The following OR6Y1 variants were observed in gnomAD, a reference collection of about 807,000 sequenced individuals.
OR6Y1 encodes olfactory receptor 6Y1.
A neutral mutation model predicts 0.4 loss-of-function variants in OR6Y1; 1 was observed. The ratio of observed to expected loss-of-function variants is 2.74; its 90% CI spans 0.97 to 13.02. OR6Y1 has a LOEUF of 13.02. Among genes scored for constraint, OR6Y1 ranks in the 30% most tolerant of loss-of-function variants. The pLI is 0.12. For missense variants in OR6Y1, 480 were observed against 399.8 expected, an observed-to-expected ratio of 1.20 and a Z score of -1.71; for synonymous variants, 173 against 141.1, an observed-to-expected ratio of 1.23 and a Z score of -1.60.
At chr1:158,549,960 T>C (rs1647659035) in intron 1 of OR6Y1, among the ~76,000 whole-genome samples, 1 of 151,862 alleles carries the variant, frequency 6.6e-6, no homozygotes, top group Admixed American at 6.6e-5. Flanking sequence ...ATGAACATGT[T>C]TCTAGCTATT....
In OR6Y1 at chr1:158,548,234, C is replaced by T. The variant is rs1440585973; in HGVS notation, c.-129G>A. On this transcript the variant is annotated 5_prime_UTR_variant, in exon 2 of 2. Coordinates refer to ENST00000641622, the MANE Select transcript of OR6Y1 (RefSeq NM_001005189.2). ...AGGAGGTTTCTGCTTTTTTATCTTA[C>T]TGCCTCTTGAATTATGAAGAGAACC... 4.6e-6 allele frequency: 4 copies of T among 862,454 alleles called. No individual in the cohort carries two copies. In the Admixed American group the frequency reaches 7.5e-5, roughly 16 times the overall value. 53.4% of individuals were successfully genotyped at this position (862,454 alleles called of 1,614,324 possible). A position where few individuals can be genotyped will look rare whatever the true frequency, so the allele number is the denominator to read the frequency against.
In OR6Y1 at chr1:158,547,397, G is replaced by A. The variant is rs1348991833; in HGVS notation, c.709C>T (p.Gln237Ter). The change falls in exon 2 of 2, where the codon CAG (glutamine) becomes TAG (stop). Residue 237 changes from glutamine (Q) to a stop codon, truncating the protein, a stop_gained. Transcript: ENST00000641622. LOFTEE classifies it high-confidence loss of function. ...LATILRIPSA[Q>*]GRQKAFSTCA... ...GTGGAGAATGCCTTTTGGCGGCCCT[G>A]AGCAGAAGGGATCCTGAGGATGGTG... 1.9e-6 allele frequency: 3 copies of A among 1,613,590 alleles called. No individual in the cohort carries two copies. Among genetic ancestry groups the A allele is most frequent in the Non-Finnish European group, 2.5e-6 (3 of 1,180,002 alleles).
rs201700659 is a variant in OR6Y1, at chr1:158,547,948, G to C, written c.158C>G (p.Ala53Gly). 4 of 1,613,470 alleles carry C rather than the reference G, an allele frequency of 2.5e-6. No homozygotes were observed. The highest frequency in any genetic ancestry group is 3.4e-6 in the Non-Finnish European group (4 of 1,180,000). The change falls in exon 2 of 2, where the codon GCT becomes GGT. Residue 53 changes from alanine to glycine, a missense_variant. Physicochemically the swap from Ala to Gly is moderately conservative, Grantham distance 60. Transcript: ENST00000641622. ...TLLENLLIILAIHSDGQLHKP... is the reference protein window; with the variant it reads ...TLLENLLIILGIHSDGQLHKP... ...ATGCAGCTGCCCATCACTGTGGATA[G>C]CTAAGATGATAAGAAGATTCTCCAG...
At position 158,545,300 on chromosome 1, in the gene OR6Y1, C is replaced by G. The variant is rs1445255004; in HGVS notation, c.*1828G>C. 23 of 124,540 alleles carry G rather than the reference C, an allele frequency of 1.8e-4. No individual in the cohort carries two copies. The Admixed American group carries it at 2.5e-3, about 14-fold the overall frequency. 7.7% of individuals were successfully genotyped at this position (124,540 alleles called of 1,614,324 possible). A position where few individuals can be genotyped will look rare whatever the true frequency, so the allele number is the denominator to read the frequency against. On this transcript the variant is annotated 3_prime_UTR_variant, in exon 2 of 2. Coordinates refer to ENST00000641622, the MANE Select transcript of OR6Y1 (RefSeq NM_001005189.2). Reference sequence around the variant, plus strand: ...GTTAGAATGGCTATTATTATGGACACAGGAACATCACACTCCGGGGAATGT... The same window carrying G: ...GTTAGAATGGCTATTATTATGGACAGAGGAACATCACACTCCGGGGAATGT...
Position 158,547,209 on chromosome 1 carries a change from G to C in OR6Y1, c.897C>G (p.Asn299Lys), listed in dbSNP as rs752058535. The C allele has an allele frequency of 4.0e-5, 65 of 1,613,404 alleles. No homozygotes were observed. Among genetic ancestry groups the C allele is most frequent in the Non-Finnish European group, 5.1e-6 (6 of 1,179,838 alleles). Reference sequence around the variant, plus strand: ...TTCTGAGGGCTGCCTTTACTTCATGGTTCCTCAGACAGTAAATGATGGGGT... The same window carrying C: ...TTCTGAGGGCTGCCTTTACTTCATGCTTCCTCAGACAGTAAATGATGGGGT... ...LLNPIIYCLRNHEVKAALRKT... is the reference protein window; with the variant it reads ...LLNPIIYCLRKHEVKAALRKT... The change falls in exon 2 of 2, where the codon AAC (asparagine) becomes AAG (lysine). Residue 299 changes from asparagine to lysine, a missense_variant. Coordinates refer to ENST00000641622, the MANE Select transcript of OR6Y1 (RefSeq NM_001005189.2).
At chr1:158,551,767 A>ACACACACACAC (rs34986210) in intron 1 of OR6Y1, among the ~76,000 whole-genome samples, 1 of 109,156 alleles carries the variant, frequency 9.2e-6, no homozygotes, top group Non-Finnish European at 1.9e-5. Flanking sequence ...CACACACACA[A>ACACACACACAC]ACACACATTG....
chr1:158,553,489 A>T (rs542725953), intron 1 of OR6Y1, among the ~76,000 whole-genome samples: 1 of 152,292 alleles, frequency 6.6e-6, no homozygotes, highest in African/African-American at 2.4e-5. Flanking sequence ...TGATCTGATC[A>T]TGGTTCATTA....
chr1:158,547,393 C>T lies in OR6Y1; in HGVS notation c.713G>A (p.Gly238Asp), dbSNP rs1647573532. 6.2e-7 allele frequency: 1 copy of T among 1,613,466 alleles called. No individual in the cohort carries two copies. Among genetic ancestry groups the T allele is most frequent in the East Asian group, 2.2e-5 (1 of 44,866 alleles). The change falls in exon 2 of 2, where the codon GGC (glycine) becomes GAC (aspartate). Residue 238 changes from glycine (G) to aspartate (D), a missense_variant. Transcript: ENST00000641622. ...ACAGGTGGAGAATGCCTTTTGGCGG[C>T]CCTGAGCAGAAGGGATCCTGAGGAT... ...ATILRIPSAQGRQKAFSTCAS... is the reference protein window; with the variant it reads ...ATILRIPSAQDRQKAFSTCAS...
rs1279731462 is a variant in OR6Y1 at position 158,548,259 on chromosome 1, C to A, written c.-154G>T. ...CTGCCTCTTGAATTATGAAGAGAAC[C>A]AAAGCTTTTGAGAAAAGATGGAATT... On this transcript the variant is annotated 5_prime_UTR_variant, in exon 2 of 2. Transcript: ENST00000641622. The A allele has an allele frequency of 1.4e-6, 1 of 703,048 alleles. No homozygotes were observed. The highest frequency in any genetic ancestry group is 4.0e-4 in the Middle Eastern group (1 of 2,478). The allele number at this position is 703,048 out of a possible 1,614,324, so 43.6% of individuals were successfully genotyped here. A position where few individuals can be genotyped will look rare whatever the true frequency, so the allele number is the denominator to read the frequency against.
chr1:158,551,090 A>G (rs890378493), intron 1 of OR6Y1, among the ~76,000 whole-genome samples: 4 of 150,916 alleles, frequency 2.7e-5, no homozygotes, highest in African/African-American at 7.4e-5. Flanking sequence ...GTGTATGAGT[A>G]TGTAGAGGAT....
In OR6Y1 at chr1:158,548,244, A is replaced by G; in HGVS notation, c.-139T>C. 4 of 770,898 alleles carry G rather than the reference A, an allele frequency of 5.2e-6. No homozygotes were observed. In the South Asian group the frequency reaches 7.7e-5, roughly 15 times the overall value. The allele number at this position is 770,898 out of a possible 1,614,324, so 47.8% of individuals were successfully genotyped here. A position where few individuals can be genotyped will look rare whatever the true frequency, so the allele number is the denominator to read the frequency against. On this transcript the variant is annotated 5_prime_UTR_variant, in exon 2 of 2. Transcript: ENST00000641622. Reference sequence around the variant, plus strand: ...TGCTTTTTTATCTTACTGCCTCTTGAATTATGAAGAGAACCAAAGCTTTTG... The same window carrying G: ...TGCTTTTTTATCTTACTGCCTCTTGGATTATGAAGAGAACCAAAGCTTTTG...
At position 158,547,373 on chromosome 1, in the gene OR6Y1, T is replaced by C. The variant is rs773600251; in HGVS notation, c.733A>G (p.Thr245Ala). The C allele has an allele frequency of 5.0e-6, 8 of 1,613,258 alleles. No homozygotes were observed. In the Admixed American group the frequency reaches 1.3e-4, roughly 27 times the overall value. ...SAQGRQKAFS[T>A]CASHLTVVIL... ...ACGACGGTCAGGTGGGAGGCACAGG[T>C]GGAGAATGCCTTTTGGCGGCCCTGA... The change falls in exon 2 of 2, where the codon ACC (threonine) becomes GCC (alanine). Residue 245 changes from threonine to alanine, a missense_variant. Physicochemically the swap from Thr to Ala is moderately conservative, Grantham distance 58. Transcript: ENST00000641622.
rs1271207700 is a variant in OR6Y1 at position 158,548,522 on chromosome 1, G to C, written c.-417C>G. On this transcript the variant is annotated 5_prime_UTR_variant, in exon 2 of 2. Coordinates refer to ENST00000641622, the MANE Select transcript of OR6Y1 (RefSeq NM_001005189.2). ...CTACCCATTCTCTAGGGGCAATTTG[G>C]GTGACTCTGGAGTGGTTGCATGACC... is the stretch of plus-strand genomic sequence containing the variant. 2 of 167,454 alleles carry C rather than the reference G, an allele frequency of 1.2e-5. No homozygotes were observed. Among genetic ancestry groups the C allele is most frequent in the Non-Finnish European group, 1.3e-5 (1 of 77,180 alleles). The allele number at this position is 167,454 out of a possible 1,614,324, so 10.4% of individuals were successfully genotyped here.
chr1:158,547,319 T>C lies in OR6Y1; in HGVS notation c.787A>G (p.Thr263Ala), dbSNP rs987990172. 6.2e-6 allele frequency: 10 copies of C among 1,613,220 alleles called. No homozygotes were observed. The highest frequency in any genetic ancestry group is 7.6e-6 in the Non-Finnish European group (9 of 1,179,940). Residue 263 changes from threonine to alanine, a missense_variant, in exon 2 of 2, where the codon ACC (threonine) becomes GCC (alanine). Coordinates refer to ENST00000641622, the MANE Select transcript of OR6Y1 (RefSeq NM_001005189.2). ...VILFYSMTLF[T>A]YARPKLMYAY... is the part of the protein sequence containing the mutation. ...TACATGAGTTTGGGACGGGCATAGG[T>C]GAAAAGTGTCATGGAATAGAAGAGA...
rs1302997775 is a variant in OR6Y1, at chr1:158,548,091, AATTATGGTGGTC to A, written c.3_14del (p.MetThrThrIle1_?4). 6.2e-7 allele frequency: 1 copy of A among 1,612,306 alleles called. No individual in the cohort carries two copies. Among genetic ancestry groups the A allele is most frequent in the Non-Finnish European group, 8.5e-7 (1 of 1,179,626 alleles). On this transcript the variant is annotated start_lost and inframe_deletion, in exon 2 of 2. Coordinates refer to ENST00000641622, the MANE Select transcript of OR6Y1 (RefSeq NM_001005189.2). Reference sequence around the variant, plus strand: ...TCACTGTATGATTATCTACTTCCAGAATTATGGTGGTCATGACTGGCTGTGGGCACAGACAAA... The same window carrying A: ...TCACTGTATGATTATCTACTTCCAGAATGACTGGCTGTGGGCACAGACAAA...
chr1:158,551,775 T>C (rs1647711464), intron 1 of OR6Y1, among the ~76,000 whole-genome samples: 1 of 124,046 alleles, frequency 8.1e-6, no homozygotes, highest in South Asian at 2.5e-4. Flanking sequence ...CAAACACACA[T>C]TGCTAAACAA....
At position 158,551,285 on chromosome 1, in the gene OR6Y1, G is replaced by A. The variant is rs188638483; in HGVS notation, c.-1432-1748C>T. ...ATCTCAAACATATTACCTAGCAGCA[G>A]GTTAAACCATCTCACTTTTTCTTGT... On this transcript the variant is annotated intron_variant, in intron 1 of 1. Coordinates refer to ENST00000641622, the MANE Select transcript of OR6Y1 (RefSeq NM_001005189.2). 2.4e-4 allele frequency among the ~76,000 whole-genome samples: 37 copies of A among 151,812 alleles called. 1 individual carries two copies. The highest frequency in any genetic ancestry group is 3.3e-4 in the Admixed American group (5 of 15,260).
At chr1:158,552,399 A>G (rs1221731737) in intron 1 of OR6Y1, among the ~76,000 whole-genome samples, 1 of 152,032 alleles carries the variant, frequency 6.6e-6, no homozygotes, top group Non-Finnish European at 1.5e-5. Context: ...TCACTCTGGA[A>G]TCAGAGGATA....
At position 158,546,038 on chromosome 1, in the gene OR6Y1, C is replaced by T. The variant is rs576580394; in HGVS notation, c.*1090G>A. 7.9e-5 allele frequency: 12 copies of T among 152,356 alleles called. No individual in the cohort carries two copies. Among genetic ancestry groups the T allele is most frequent in the African/African-American group, 2.9e-4 (12 of 41,572 alleles). The allele number at this position is 152,356 out of a possible 1,614,324, so 9.4% of individuals were successfully genotyped here. A position where few individuals can be genotyped will look rare whatever the true frequency, so the allele number is the denominator to read the frequency against. ...CTTCTGGTGTTTGCCAGCAATACTT[C>T]TTCCTTAGCTTATAGATGCATTACT... On this transcript the variant is annotated 3_prime_UTR_variant, in exon 2 of 2. Coordinates refer to ENST00000641622, the MANE Select transcript of OR6Y1 (RefSeq NM_001005189.2).
Sources: allele counts gnomAD v4.1 joint callset (sites outside exome capture counted in the v4.1 genomes callset), GRCh38; gene constraint gnomAD v4.1.1; transcripts MANE v1.5; gene names NCBI Gene and HGNC (gene_info 2026-07-23, HGNC 2026-07-21).